HRK: variants seen among roughly 807,000 people sequenced by gnomAD.
The protein encoded by HRK is activator of apoptosis harakiri.
In HRK, 6 loss-of-function variants were observed where a neutral mutation model predicts 5.9. The observed-to-expected ratio is 1.02, with a 90% CI of 0.56 to 2.01. HRK has a LOEUF of 2.01. HRK is among the 30% of genes most tolerant of loss of function. The pLI is 0.00. For synonymous variants in HRK, 85 were observed against 65.1 expected, an observed-to-expected ratio of 1.31 and a Z score of -1.47; for missense variants, 133 against 128.3, an observed-to-expected ratio of 1.04 and a Z score of -0.18.
At chr12:116,866,969 A>C (rs1164048816) in intron 1 of HRK, among the ~76,000 whole-genome samples, 5 of 151,906 alleles carry the variant, frequency 3.3e-5, no homozygotes, top group Non-Finnish European at 1.5e-5. Context: ...CAGGAACTTC[A>C]CTTTTTGTTT....
Position 116,858,374 on chromosome 12 carries a change from G to A in HRK, c.*3149C>T, listed in dbSNP as rs1399089205. On this transcript the variant is annotated 3_prime_UTR_variant, in exon 2 of 2. Coordinates refer to ENST00000257572, the MANE Select transcript of HRK (RefSeq NM_003806.4). The stretch of plus-strand genomic sequence containing the variant: ...TGTATTTGTTTGTGGGAGATCAGGT[G>A]GGGGTGAGAAGCTTCCAGAAAGGAC... 3 of 152,034 alleles carry A rather than the reference G, an allele frequency of 2.0e-5. No individual in the cohort carries two copies. The highest frequency in any genetic ancestry group is 7.2e-5 in the African/African-American group (3 of 41,414). 9.4% of individuals were successfully genotyped at this position (152,034 alleles called of 1,614,324 possible). A position where few individuals can be genotyped will look rare whatever the true frequency, so the allele number is the denominator to read the frequency against.
rs1878236028 is a variant in HRK at position 116,858,383 on chromosome 12, A to T, written c.*3140T>A. On this transcript the variant is annotated 3_prime_UTR_variant, in exon 2 of 2. Coordinates refer to ENST00000257572, the MANE Select transcript of HRK (RefSeq NM_003806.4). Reference sequence around the variant, plus strand: ...TTGTGGGAGATCAGGTGGGGGTGAGAAGCTTCCAGAAAGGACTGGATCTCA... The same window carrying T: ...TTGTGGGAGATCAGGTGGGGGTGAGTAGCTTCCAGAAAGGACTGGATCTCA... 1 of 151,968 alleles carries T rather than the reference A, an allele frequency of 6.6e-6. No individual in the cohort carries two copies. Among genetic ancestry groups the T allele is most frequent in the African/African-American group, 2.4e-5 (1 of 41,378 alleles). 9.4% of individuals were successfully genotyped at this position (151,968 alleles called of 1,614,324 possible).
At chr12:116,875,166 A>G (rs1480854893) in intron 1 of HRK, among the ~76,000 whole-genome samples, 2 of 152,232 alleles carry the variant, frequency 1.3e-5, no homozygotes, top group Non-Finnish European at 2.9e-5. Context: ...TTTAAAGCCT[A>G]CAGTGTGTGG....
At chr12:116,866,475 C>G (rs937715385) in intron 1 of HRK, among the ~76,000 whole-genome samples, 1 of 151,726 alleles carries the variant, frequency 6.6e-6, no homozygotes, top group Non-Finnish European at 1.5e-5. Flanking sequence ...TCCATGTTAT[C>G]CCTTAAATCT....
At chr12:116,861,839 T>A (rs900057007) in intron 1 of HRK, among the ~76,000 whole-genome samples, 1 of 152,212 alleles carries the variant, frequency 6.6e-6, no homozygotes, top group Non-Finnish European at 1.5e-5. Context: ...CTTCCTCGAT[T>A]CATTTCATAG....
chr12:116,881,222 G>C lies in HRK; in HGVS notation c.86C>G (p.Ala29Gly), dbSNP rs1405761357. The change falls in exon 1 of 2, where the codon GCC (alanine) becomes GGC (glycine). Residue 29 changes from alanine (A) to glycine (G), a missense_variant. Ala to Gly is a moderately conservative substitution (Grantham distance 60). Coordinates refer to ENST00000257572, the MANE Select transcript of HRK (RefSeq NM_003806.4). ...GAGCCGGGCGGCGGTGAGCTGCGCGGCGGACGAGCGCAGCCCCAGGCGACC... is the reference window on the plus strand; with the variant it reads ...GAGCCGGGCGGCGGTGAGCTGCGCGCCGGACGAGCGCAGCCCCAGGCGACC... ...SAGRLGLRSS[A>G]AQLTAARLKA... 1.2e-5 allele frequency: 13 copies of C among 1,114,534 alleles called. No individual in the cohort carries two copies. The highest frequency in any genetic ancestry group is 1.3e-5 in the Non-Finnish European group (12 of 914,706). 69.0% of individuals were successfully genotyped at this position (1,114,534 alleles called of 1,614,324 possible).
chr12:116,865,553 A>T (rs761597561), intron 1 of HRK, among the ~76,000 whole-genome samples: 88 of 152,324 alleles, frequency 5.8e-4, no homozygotes, highest in South Asian at 1.0e-3. Flanking sequence ...AATAAAATTT[A>T]AAAAATACCT....
At chr12:116,864,313 T>C (rs892186493) in intron 1 of HRK, among the ~76,000 whole-genome samples, 1 of 152,142 alleles carries the variant, frequency 6.6e-6, no homozygotes, top group Admixed American at 6.5e-5. Flanking sequence ...CTATTGAGTG[T>C]GTGGACATCG....
chr12:116,881,294 G>T lies in HRK; in HGVS notation c.14C>A (p.Pro5His). MCPC[P>H]LHRGRGPPAV... ...CGGGGGGCCGCGGCCGCGGTGCAGGGGGCACGGGCACATGACCGCTGGCCT... is the reference window on the plus strand; with the variant it reads ...CGGGGGGCCGCGGCCGCGGTGCAGGTGGCACGGGCACATGACCGCTGGCCT... Residue 5 changes from proline to histidine, a missense_variant, in exon 1 of 2, where the codon CCC becomes CAC. Pro to His is a moderately conservative substitution (Grantham distance 77). Transcript: ENST00000257572. The T allele has an allele frequency of 9.3e-7, 1 of 1,070,610 alleles. No homozygotes were observed. The highest frequency in any genetic ancestry group is 1.1e-6 in the Non-Finnish European group (1 of 886,804). The allele number at this position is 1,070,610 out of a possible 1,614,324, so 66.3% of individuals were successfully genotyped here. A position where few individuals can be genotyped will look rare whatever the true frequency, so the allele number is the denominator to read the frequency against.
At position 116,858,277 on chromosome 12, in the gene HRK, C is replaced by A. The variant is rs956434944; in HGVS notation, c.*3246G>T. The A allele has an allele frequency of 4.0e-5, 6 of 151,818 alleles. No individual in the cohort carries two copies. Among genetic ancestry groups the A allele is most frequent in the African/African-American group, 1.5e-4 (6 of 41,314 alleles). The allele number at this position is 151,818 out of a possible 1,614,324, so 9.4% of individuals were successfully genotyped here. ...CAGCCATTGGGGCCAATGGGCTCCC[C>A]AGAGAAACTTCCTACTCAAGCTACA... On this transcript the variant is annotated 3_prime_UTR_variant, in exon 2 of 2. Coordinates refer to ENST00000257572, the MANE Select transcript of HRK (RefSeq NM_003806.4).
intron 1 of HRK, among the ~76,000 whole-genome samples, chr12:116,876,344 C>A (rs568943717): frequency 6.6e-6 from 1 of 152,210 alleles, no homozygotes; most frequent in Non-Finnish European, 1.5e-5. Context: ...AGGGGTGCTG[C>A]GAGCTGGGAG....
intron 1 of HRK, among the ~76,000 whole-genome samples, chr12:116,870,453 C>T (rs1878706301): frequency 6.6e-6 from 1 of 152,146 alleles, no homozygotes; most frequent in Admixed American, 6.6e-5. Context: ...CACAGCAAGG[C>T]AACAGAGATT....
intron 1 of HRK, among the ~76,000 whole-genome samples, chr12:116,871,769 G>C (rs1878762552): frequency 6.6e-6 from 1 of 151,422 alleles, no homozygotes; most frequent in Non-Finnish European, 1.5e-5. Flanking sequence ...CAGGACTACA[G>C]ATGCAAGCCA....
In HRK at chr12:116,873,969, A is replaced by G. The variant is rs186116601; in HGVS notation, c.*56+7007T>C. Among the ~76,000 whole-genome samples the G allele has an allele frequency of 5.3e-5, 8 of 152,338 alleles. No individual in the cohort carries two copies. In the East Asian group the frequency reaches 1.5e-3, roughly 29 times the overall value. On this transcript the variant is annotated intron_variant, in intron 1 of 1. Transcript: ENST00000257572. ...GAGAGGGGAGCCAGTGCTGAGTTGA[A>G]TGGTGAGAGTTCTAAGGGTGATGGA...
Position 116,881,122 on chromosome 12 carries a change from G to A in HRK, c.186C>T (p.Pro62=), listed in dbSNP as rs1411843523. 2 of 1,220,068 alleles carry A rather than the reference G, an allele frequency of 1.6e-6. No homozygotes were observed. The highest frequency in any genetic ancestry group is 6.8e-5 in the East Asian group (2 of 29,298). 75.6% of individuals were successfully genotyped at this position (1,220,068 alleles called of 1,614,324 possible). ...RRARSRRAPA[P]GALPTYWPWL... The stretch of plus-strand genomic sequence containing the variant: ...AAGGCCAGTAGGTGGGGAGCGCGCC[G>A]GGCGCCGGCGCCCTCCGGCTCCGCG... Residue 62 remains proline, a synonymous_variant, in exon 1 of 2, where the codon CCC becomes CCT. Coordinates refer to ENST00000257572, the MANE Select transcript of HRK (RefSeq NM_003806.4).
rs1012303290 is a variant in HRK, at chr12:116,862,600, G to A, written c.*57-1134C>T. ...TGGGGAGTGATACTCATGCGCATGG[G>A]GTTTCTTTCAGGGAAACGAAAATTT... is the stretch of plus-strand genomic sequence containing the variant. On this transcript the variant is annotated intron_variant, in intron 1 of 1. Transcript: ENST00000257572. This position sits in a 1 kb window ranked among gnomAD's most constrained non-coding sequence, Gnocchi z 4.0. Among the ~76,000 whole-genome samples, 6 of 152,108 alleles carry A rather than the reference G, an allele frequency of 3.9e-5. No individual in the cohort carries two copies. Among genetic ancestry groups the A allele is most frequent in the Admixed American group, 1.3e-4 (2 of 15,272 alleles).
Position 116,862,205 on chromosome 12 carries a change from G to A in HRK, c.*57-739C>T, listed in dbSNP as rs1212062399. Among the ~76,000 whole-genome samples, 1 of 152,164 alleles carries A rather than the reference G, an allele frequency of 6.6e-6. No individual in the cohort carries two copies. The highest frequency in any genetic ancestry group is 1.5e-5 in the Non-Finnish European group (1 of 68,026). On this transcript the variant is annotated intron_variant, in intron 1 of 1. Transcript: ENST00000257572. The surrounding 1 kb of genome is among the most constrained non-coding windows in gnomAD (Gnocchi z 4.0). The stretch of plus-strand genomic sequence containing the variant: ...CAGGATAAGAAAATGAGGCATCCTA[G>A]GCAGGGCAGAAAAAACAGCCCATAC...
In HRK at chr12:116,860,696, T is replaced by C. The variant is rs2137241756; in HGVS notation, c.*827A>G. On this transcript the variant is annotated 3_prime_UTR_variant, in exon 2 of 2. Transcript: ENST00000257572. ...AGAAGAGACTCTCAAGTGGCACTTT[T>C]GCAACTTGTCCCTTAAAAAAAAAAA... is the stretch of plus-strand genomic sequence containing the variant. The C allele has an allele frequency of 7.1e-6, 1 of 141,106 alleles. No homozygotes were observed. Among genetic ancestry groups the C allele is most frequent in the South Asian group, 2.3e-4 (1 of 4,330 alleles). The allele number at this position is 141,106 out of a possible 1,614,324, so 8.7% of individuals were successfully genotyped here.
chr12:116,877,131 A>G lies in HRK; in HGVS notation c.*56+3845T>C, dbSNP rs1316838227. ...AATAGTGCGATCTCAGCTTACTGCA[A>G]CCTCTGCCTCTGGGACTCAAGTGAT... is the stretch of plus-strand genomic sequence containing the variant. On this transcript the variant is annotated intron_variant, in intron 1 of 1. Coordinates refer to ENST00000257572, the MANE Select transcript of HRK (RefSeq NM_003806.4). Among the ~76,000 whole-genome samples the G allele has an allele frequency of 2.0e-5, 3 of 151,814 alleles. No homozygotes were observed. The East Asian group carries it at 5.8e-4, about 29-fold the overall frequency.
Sources: gnomAD v4.1 joint callset for allele counts (sites outside exome capture counted in the v4.1 genomes callset) on GRCh38, gnomAD v4.1.1 for gene constraint, Gnocchi (gnomAD v3.1) non-coding constraint, MANE v1.5 for transcripts, NCBI Gene and HGNC (gene_info 2026-07-23, HGNC 2026-07-21) for gene names.